TFAP2E: variants seen among roughly 807,000 people sequenced by gnomAD.
TFAP2E encodes transcription factor AP-2 epsilon.
In TFAP2E, 30 loss-of-function variants were observed where a neutral mutation model predicts 37.9. The ratio of observed to expected loss-of-function variants is 0.79; its 90% confidence interval spans 0.59 to 1.07. The LOEUF is 1.07. Among genes scored for constraint, TFAP2E ranks in the 50% least tolerant of loss-of-function variants. TFAP2E has a pLI of 0.00. For missense variants in TFAP2E, 567 were observed against 637.9 expected, an observed-to-expected ratio of 0.89 and a Z score of 1.20; for synonymous variants, 318 against 295.8, an observed-to-expected ratio of 1.08 and a Z score of -0.77.
chr1:35,589,286 C>T (rs1285937562), intron 4 of TFAP2E, among the ~76,000 whole-genome samples: 1 of 146,322 alleles, frequency 6.8e-6, no homozygotes, highest in Non-Finnish European at 1.5e-5. Flanking sequence ...ATATCTGTGC[C>T]ACTGTGTGGG....
At chr1:35,574,550 C>A in intron 2 of TFAP2E, 141 bp downstream of exon 2, 2 of 1,314,116 alleles carry the variant, frequency 1.5e-6, no homozygotes, top group Non-Finnish European at 2.0e-6. Flanking sequence ...AGGATGTGTC[C>A]CACCTCCTGG....
At chr1:35,587,751 C>T (rs1649526951) in intron 3 of TFAP2E, among the ~76,000 whole-genome samples, 1 of 151,850 alleles carries the variant, frequency 6.6e-6, no homozygotes, top group Non-Finnish European at 1.5e-5. Flanking sequence ...GGGTATAGGG[C>T]CTATCTCCTG....
chr1:35,580,615 CA>C (rs989929788), intron 3 of TFAP2E, among the ~76,000 whole-genome samples: 1 of 151,278 alleles, frequency 6.6e-6, no homozygotes, highest in Non-Finnish European at 1.5e-5. Flanking sequence ...AAAAACAAAC[CA>C]AAAAAAACAT....
chr1:35,595,157 C>T lies in TFAP2E; in HGVS notation c.*481C>T. 5.2e-6 allele frequency: 1 copy of T among 193,908 alleles called. No individual in the cohort carries two copies. Among genetic ancestry groups the T allele is most frequent in the Non-Finnish European group, 1.0e-5 (1 of 96,388 alleles). The allele number at this position is 193,908 out of a possible 1,614,324, so 12.0% of individuals were successfully genotyped here. ...GGTGCTGGAAGGAGGCCCCAGTGGACTCTTTGTACCCTTCCTACTCTCAGA... is the reference window on the plus strand; with the variant it reads ...GGTGCTGGAAGGAGGCCCCAGTGGATTCTTTGTACCCTTCCTACTCTCAGA... On this transcript the variant is annotated 3_prime_UTR_variant, in exon 7 of 7. Coordinates refer to ENST00000373235, the MANE Select transcript of TFAP2E (RefSeq NM_178548.4).
chr1:35,575,890 T>C (rs1156867257), intron 3 of TFAP2E, among the ~76,000 whole-genome samples: 1 of 152,214 alleles, frequency 6.6e-6, no homozygotes, highest in African/African-American at 2.4e-5. Context: ...ATCCACCTTT[T>C]CTGGCCTGAG....
intron 6 of TFAP2E, among the ~76,000 whole-genome samples, chr1:35,591,770 T>C (rs1454708804): frequency 6.6e-6 from 1 of 152,112 alleles, no homozygotes. Context: ...CACTGCAACC[T>C]CCACCTCCTG....
At chr1:35,589,887 T>G in intron 4 of TFAP2E, 43 bp from the exon 5 acceptor site, 1 of 1,603,850 alleles carries the variant, frequency 6.2e-7, no homozygotes, top group East Asian at 2.2e-5. Flanking sequence ...GCGTTTCTCT[T>G]GTCTTCATAG....
intron 4 of TFAP2E, among the ~76,000 whole-genome samples, chr1:35,589,452 C>CAT (rs60907293): frequency 0.34 from 50,263 of 149,230 alleles, 14,295 homozygotes; most frequent in East Asian, 0.78. Context: ...TGTGTCTCTG[C>CAT]ATGTCTGTCT....
chr1:35,594,344 C>T (rs1649767192), intron 6 of TFAP2E, 50 bp from the exon 7 acceptor site: 7 of 1,591,044 alleles, frequency 4.4e-6, no homozygotes, highest in Non-Finnish European at 6.0e-6. Context: ...AGGTCCTTCT[C>T]TGGGCTCAGA....
At chr1:35,592,894 A>T (rs1313270535) in intron 6 of TFAP2E, among the ~76,000 whole-genome samples, 2 of 152,162 alleles carry the variant, frequency 1.3e-5, no homozygotes, top group East Asian at 3.8e-4. Flanking sequence ...CTCCACCTCC[A>T]TGACCTAATC....
intron 3 of TFAP2E, among the ~76,000 whole-genome samples, chr1:35,585,375 G>A (rs1293277056): frequency 6.6e-6 from 1 of 152,260 alleles, no homozygotes; most frequent in South Asian, 2.1e-4. Flanking sequence ...CTTGCTTGGC[G>A]GGACTTTGCA....
intron 3 of TFAP2E, among the ~76,000 whole-genome samples, chr1:35,582,566 C>T (rs949114799): frequency 2.0e-5 from 3 of 146,664 alleles, no homozygotes; most frequent in Non-Finnish European, 4.5e-5. Flanking sequence ...TGGTCTCAAA[C>T]TCCTGGCTTC....
intron 3 of TFAP2E, among the ~76,000 whole-genome samples, chr1:35,582,735 C>T (rs890371229): frequency 1.3e-5 from 2 of 151,860 alleles, no homozygotes; most frequent in South Asian, 2.1e-4. Flanking sequence ...TCATAGCACA[C>T]TGCACCCTCG....
At chr1:35,574,844 T>C in intron 2 of TFAP2E, 105 bp from the exon 3 acceptor site, 1 of 1,508,920 alleles carries the variant, frequency 6.6e-7, no homozygotes, top group African/African-American at 1.4e-5. Flanking sequence ...GCGAAGCTGG[T>C]GCGCCTTGGG....
At chr1:35,589,188 C>CTG (rs757213879) in intron 4 of TFAP2E, among the ~76,000 whole-genome samples, 13,563 of 125,796 alleles carry the variant, frequency 0.11, 736 homozygotes, top group Middle Eastern at 0.16. Context: ...GTGTCCTGCT[C>CTG]TGTGTGTGTG....
intron 3 of TFAP2E, among the ~76,000 whole-genome samples, chr1:35,587,265 G>T (rs1649508028): frequency 6.6e-6 from 1 of 152,220 alleles, no homozygotes; most frequent in Non-Finnish European, 1.5e-5. Context: ...CTTCCCCTGA[G>T]GCTAAGCAGG....
At position 35,573,333 on chromosome 1, in the gene TFAP2E, C is replaced by T; in HGVS notation, c.-245C>T. ...ACGCTCAGAGGAGGAAGGGCGGGCG[C>T]TGGGCACCCGTTGACCGACTTTTCC... is the stretch of plus-strand genomic sequence containing the variant. On this transcript the variant is annotated 5_prime_UTR_variant, in exon 1 of 7. Transcript: ENST00000373235. This position sits in a 1 kb window ranked among gnomAD's most constrained non-coding sequence, Gnocchi z 5.9. The T allele has an allele frequency of 2.2e-6, 1 of 449,580 alleles. No homozygotes were observed. The highest frequency in any genetic ancestry group is 3.9e-6 in the Non-Finnish European group (1 of 259,652). 27.8% of individuals were successfully genotyped at this position (449,580 alleles called of 1,614,324 possible).
At chr1:35,593,220 A>G (rs1481889951) in intron 6 of TFAP2E, among the ~76,000 whole-genome samples, 1 of 152,062 alleles carries the variant, frequency 6.6e-6, no homozygotes, top group Non-Finnish European at 1.5e-5. Context: ...GCGCACCTGT[A>G]GTCCCAGCTA....
chr1:35,588,679 C>T lies in TFAP2E; in HGVS notation c.785+127C>T, dbSNP rs1649562331. The T allele has an allele frequency of 5.0e-6, 5 of 995,698 alleles. No individual in the cohort carries two copies. Among genetic ancestry groups the T allele is most frequent in the Non-Finnish European group, 7.0e-6 (5 of 710,146 alleles). The allele number at this position is 995,698 out of a possible 1,614,324, so 61.7% of individuals were successfully genotyped here. ...CCTCAGTCTCCCTGGGAGGGGAGGCCCCGGGGACTCTGGATTGTGCATGTT... is the reference window on the plus strand; with the variant it reads ...CCTCAGTCTCCCTGGGAGGGGAGGCTCCGGGGACTCTGGATTGTGCATGTT... On this transcript the variant is annotated intron_variant, in intron 4 of 6. Coordinates refer to ENST00000373235, the MANE Select transcript of TFAP2E (RefSeq NM_178548.4). The surrounding 1 kb of genome is among the most constrained non-coding windows in gnomAD (Gnocchi z 5.1).
Sources: allele counts gnomAD v4.1 joint callset (sites outside exome capture counted in the v4.1 genomes callset), GRCh38; gene constraint gnomAD v4.1.1; non-coding constraint Gnocchi (gnomAD v3.1); transcripts MANE v1.5; gene names NCBI Gene and HGNC (gene_info 2026-07-23, HGNC 2026-07-21).